Variants in BCL11A observed in about 807,000 individuals in gnomAD.
BCL11A encodes BCL11 transcription factor A.
In BCL11A, 2 loss-of-function variants were observed where a neutral mutation model predicts 55.9. That is an observed-to-expected ratio of 0.04 (90% confidence interval 0.01 to 0.11). The LOEUF is 0.11. Among genes scored for constraint, BCL11A ranks in the 10% least tolerant of loss-of-function variants. The probability of loss-of-function intolerance (pLI) is 1.00; values close to 1 mark genes in which losing one functional copy is unlikely to be tolerated. For missense variants in BCL11A, 817 were observed against 1,137.1 expected, an observed-to-expected ratio of 0.72 and a Z score of 4.05; for synonymous variants, 465 against 473.4, an observed-to-expected ratio of 0.98 and a Z score of 0.23.
At chr2:60,493,945 G>C (rs1268838904) in intron 2 of BCL11A, among the ~76,000 whole-genome samples, 2 of 152,216 alleles carry the variant, frequency 1.3e-5, no homozygotes, top group African/African-American at 4.8e-5. Flanking sequence ...CCTCCAGTGG[G>C]ACCAGAGCTG....
At chr2:60,529,636 T>C (rs1046461484) in intron 2 of BCL11A, among the ~76,000 whole-genome samples, 3 of 152,164 alleles carry the variant, frequency 2.0e-5, no homozygotes, top group African/African-American at 4.8e-5. Context: ...CAGGTATCCA[T>C]GGGATAAACC....
At chr2:60,520,159 A>ATT (rs1489973644) in intron 2 of BCL11A, among the ~76,000 whole-genome samples, 1 of 152,230 alleles carries the variant, frequency 6.6e-6, no homozygotes, top group East Asian at 1.9e-4. Context: ...GGCAAGGTAT[A>ATT]TTGATTAGGT....
chr2:60,543,791 T>C (rs1670028955), intron 2 of BCL11A: 1 of 152,252 alleles, frequency 6.6e-6, no homozygotes, highest in South Asian at 2.1e-4. Context: ...GTCACAGCAC[T>C]TGTTGTGCGC....
chr2:60,481,933 C>T (rs930594403), intron 2 of BCL11A, among the ~76,000 whole-genome samples: 2 of 152,174 alleles, frequency 1.3e-5, no homozygotes, highest in Admixed American at 1.3e-4. Context: ...AGGAAACCCA[C>T]CTAGGTATAG....
At chr2:60,543,519 C>T (rs545922957) in intron 2 of BCL11A, 2 of 152,332 alleles carry the variant, frequency 1.3e-5, no homozygotes, top group Admixed American at 1.3e-4. Flanking sequence ...AGCCGTCTTC[C>T]AGAACTTCGC....
At chr2:60,470,556 A>G (rs1422093369) in intron 2 of BCL11A, among the ~76,000 whole-genome samples, 1 of 152,184 alleles carries the variant, frequency 6.6e-6, no homozygotes, top group African/African-American at 2.4e-5. Context: ...GGGAGTATCA[A>G]ATTTCAAATT....
At chr2:60,464,967 C>T (rs1315712948) in intron 3 of BCL11A, among the ~76,000 whole-genome samples, 1 of 152,156 alleles carries the variant, frequency 6.6e-6, no homozygotes, top group Non-Finnish European at 1.5e-5. Flanking sequence ...TATTCTAGAT[C>T]ATGAGGGCAG....
chr2:60,460,820 G>C lies in BCL11A; in HGVS notation c.2092C>G (p.Arg698Gly). Residue 698 changes from arginine (R) to glycine (G), a missense_variant, in exon 4 of 4, where the codon CGC becomes GGC. This residue lies in a region of BCL11A where 379 missense variants were observed against 425.3 expected (regional missense o/e 0.89). Coordinates refer to ENST00000642384, the MANE Select transcript of BCL11A (RefSeq NM_022893.4). The stretch of plus-strand genomic sequence containing the variant: ...AGCTCCCCGGGCGGTGTGGAGAAGC[G>C]CAAACTCCCGTTCTCCGAGGAGTGC... Reference protein sequence around the residue: ...SEHSSENGSLRFSTPPGELDG... With the variant: ...SEHSSENGSLGFSTPPGELDG... 1 of 1,612,732 alleles carries C rather than the reference G, an allele frequency of 6.2e-7. No individual in the cohort carries two copies.
Position 60,524,333 on chromosome 2 carries a change from A to G in BCL11A, c.385+21638T>C, listed in dbSNP as rs375786577. ...CATAATTTTGTCACCTATCTCTGGC[A>G]TGAATGTTATCATGCTTTTATTTCA... is the stretch of plus-strand genomic sequence containing the variant. On this transcript the variant is annotated intron_variant, in intron 2 of 3. Transcript: ENST00000642384. Among the ~76,000 whole-genome samples, 30 of 152,328 alleles carry G rather than the reference A, an allele frequency of 2.0e-4. No homozygotes were observed. In the South Asian group the frequency reaches 2.7e-3, roughly 14 times the overall value.
At chr2:60,495,783 C>A (rs765557101) in intron 2 of BCL11A, 1 of 152,172 alleles carries the variant, frequency 6.6e-6, no homozygotes, top group Non-Finnish European at 1.5e-5. Context: ...AACTGTAATT[C>A]TTTTCCTGCT....
chr2:60,466,229 C>T (rs754565220), intron 3 of BCL11A, among the ~76,000 whole-genome samples: 2 of 151,988 alleles, frequency 1.3e-5, no homozygotes, highest in African/African-American at 2.4e-5. Flanking sequence ...CTCAGGAAGA[C>T]CAGGCTGAAG....
intron 2 of BCL11A, chr2:60,545,701 A>G: frequency 2.4e-6 from 1 of 412,954 alleles, no homozygotes; most frequent in Non-Finnish European, 4.4e-6. Flanking sequence ...TGGGGAAGAA[A>G]AGAAATCCAA....
At chr2:60,514,495 TAAAA>T (rs58972358) in intron 2 of BCL11A, among the ~76,000 whole-genome samples, 275 of 119,308 alleles carry the variant, frequency 2.3e-3, no homozygotes, top group Middle Eastern at 4.5e-3. Context: ...CATCTCTACT[TAAAA>T]AAAAAAAAAA....
At chr2:60,552,250 A>G (rs1285825943) in intron 1 of BCL11A, among the ~76,000 whole-genome samples, 2 of 151,824 alleles carry the variant, frequency 1.3e-5, no homozygotes, top group Non-Finnish European at 2.9e-5. Flanking sequence ...TGTTTTATTT[A>G]TTTTATTTTT....
At chr2:60,535,445 A>G (rs191258283) in intron 2 of BCL11A, 10 of 152,336 alleles carry the variant, frequency 6.6e-5, no homozygotes, top group Admixed American at 4.6e-4. Flanking sequence ...ATCTCTAAAC[A>G]TGGTAATTTA....
chr2:60,518,605 T>C (rs1668838615), intron 2 of BCL11A, among the ~76,000 whole-genome samples: 1 of 152,078 alleles, frequency 6.6e-6, no homozygotes, highest in Non-Finnish European at 1.5e-5. Context: ...TTGCTCTAGA[T>C]CTGAGAATCA....
intron 2 of BCL11A, among the ~76,000 whole-genome samples, chr2:60,487,481 G>A (rs1678348367): frequency 6.6e-6 from 1 of 152,118 alleles, no homozygotes; most frequent in Non-Finnish European, 1.5e-5. Context: ...CTTCTGGAGG[G>A]CTATAAATAA....
chr2:60,493,423 C>A (rs1042937640), intron 2 of BCL11A, among the ~76,000 whole-genome samples: 3 of 152,086 alleles, frequency 2.0e-5, no homozygotes, highest in Non-Finnish European at 4.4e-5. Flanking sequence ...CCCTCCCACC[C>A]CATTCCCTGG....
intron 2 of BCL11A, among the ~76,000 whole-genome samples, chr2:60,476,521 C>T (rs1677607244): frequency 6.6e-6 from 1 of 152,192 alleles, no homozygotes; most frequent in African/African-American, 2.4e-5. Context: ...ACAGCAAAGC[C>T]CAGCACCCTG....
Sources: gnomAD v4.1 joint callset for allele counts (sites outside exome capture counted in the v4.1 genomes callset) on GRCh38, gnomAD v4.1.1 for gene constraint, gnomAD v4.1.1 regional missense constraint, MANE v1.5 for transcripts, NCBI Gene and HGNC (gene_info 2026-07-23, HGNC 2026-07-21) for gene names.